Variants in ACSL6 observed in about 807,000 individuals in gnomAD.
The protein encoded by ACSL6 is acyl-CoA synthetase long chain family member 6.
Under a neutral mutation model 98.2 loss-of-function variants are expected in ACSL6, and 47 were observed. The ratio of observed to expected loss-of-function variants is 0.48; its 90% CI spans 0.38 to 0.61. The LOEUF (loss-of-function observed/expected upper bound fraction) is 0.61. ACSL6 is among the 20% of genes least tolerant of loss of function. The pLI is 0.00. For missense variants in ACSL6, 761 were observed against 913.4 expected (o/e 0.83, Z 2.15); for synonymous variants, 362 against 336.9 (o/e 1.07, Z -0.82).
At position 131,988,767 on chromosome 5, in the gene ACSL6, C is replaced by T. The variant is rs2126892014; in HGVS notation, c.652+38G>A. 1.9e-6 allele frequency: 3 copies of T among 1,601,754 alleles called. No individual in the cohort carries two copies. In the East Asian group the frequency reaches 6.7e-5, roughly 36 times the overall value. ...AAGCTGGAGGCTGGAGGCTGGGGACCAGTTGCCAGTGGCAGGGTGGGGTGG... is the reference window on the plus strand; with the variant it reads ...AAGCTGGAGGCTGGAGGCTGGGGACTAGTTGCCAGTGGCAGGGTGGGGTGG... On this transcript the variant is annotated intron_variant, in intron 6 of 20. Coordinates refer to ENST00000651883, the MANE Select transcript of ACSL6 (RefSeq NM_001009185.3).
At chr5:131,970,450 C>T (rs1753243409) in intron 14 of ACSL6, among the ~76,000 whole-genome samples, 1 of 151,184 alleles carries the variant, frequency 6.6e-6, no homozygotes, top group Admixed American at 6.6e-5. Context: ...CACTCTGTCG[C>T]CCAGGCTGGA....
chr5:131,969,005 G>A (rs1753163780), intron 15 of ACSL6, among the ~76,000 whole-genome samples: 1 of 152,134 alleles, frequency 6.6e-6, no homozygotes, highest in Non-Finnish European at 1.5e-5. Flanking sequence ...CAAAAGGAAG[G>A]GATACATGAG....
At chr5:131,985,260 C>T in intron 9 of ACSL6, 147 bp downstream of exon 9, 1 of 938,774 alleles carries the variant, frequency 1.1e-6, no homozygotes. Flanking sequence ...CTGGGAGGTG[C>T]AGGAGGTCAC....
chr5:131,981,352 T>A (rs537465529), intron 9 of ACSL6, among the ~76,000 whole-genome samples: 1 of 148,660 alleles, frequency 6.7e-6, no homozygotes, highest in Admixed American at 6.7e-5. Context: ...AAAACACAAC[T>A]TTCTCCTCAA....
chr5:131,985,799 G>A (rs907382557), intron 8 of ACSL6, among the ~76,000 whole-genome samples: 1 of 152,176 alleles, frequency 6.6e-6, no homozygotes, highest in Admixed American at 6.5e-5. Context: ...CTCTATCAAA[G>A]CTCTGACCTT....
chr5:131,973,037 C>T (rs1239486256), intron 12 of ACSL6, among the ~76,000 whole-genome samples, 179 bp from the exon 13 acceptor site: 3 of 152,080 alleles, frequency 2.0e-5, no homozygotes, highest in Non-Finnish European at 4.4e-5. Flanking sequence ...TCCAGGCATG[C>T]TGTGAAGATG....
chr5:131,970,386 G>GCCACATTTGCTTGGAAGAAGTGCTA (rs1753238992), intron 14 of ACSL6, among the ~76,000 whole-genome samples, 186 bp from the exon 15 acceptor site: 1 of 151,940 alleles, frequency 6.6e-6, no homozygotes, highest in Non-Finnish European at 1.5e-5. Context: ...AACAAGCATG[G>GCCACATTTGCTTGGAAGAAGTGCTA]CCACATTTGC....
rs576977310 is a variant in ACSL6 at position 132,004,059 on chromosome 5, G to C, written c.49+7446C>G. On this transcript the variant is annotated intron_variant, in intron 1 of 20. Transcript: ENST00000651883. ...GAGGACTTTCAATAATGGAGGGCAC[G>C]TGTGTCCTCTGCCTGGTGCCCACAC... Among the ~76,000 whole-genome samples, 3 of 152,260 alleles carry C rather than the reference G, an allele frequency of 2.0e-5. No individual in the cohort carries two copies. In the East Asian group the frequency reaches 5.8e-4, roughly 29 times the overall value.
intron 17 of ACSL6, among the ~76,000 whole-genome samples, chr5:131,966,099 C>A (rs1752997468): frequency 6.6e-6 from 1 of 152,172 alleles, no homozygotes; most frequent in Non-Finnish European, 1.5e-5. Context: ...GACATGTACC[C>A]CCTGTTCCTC....
At chr5:131,998,050 C>T (rs144390560) in intron 1 of ACSL6, among the ~76,000 whole-genome samples, 1,798 of 152,258 alleles carry the variant, frequency 0.012, 39 homozygotes, top group African/African-American at 0.042. Flanking sequence ...TTCACAGGGC[C>T]TTGGCCTCCT....
intron 1 of ACSL6, among the ~76,000 whole-genome samples, chr5:132,008,062 G>A (rs940476504): frequency 3.3e-5 from 5 of 152,198 alleles, no homozygotes; most frequent in African/African-American, 7.2e-5. Context: ...ATAGGCTGGA[G>A]AGCTGTGAGA....
intron 14 of ACSL6, among the ~76,000 whole-genome samples, chr5:131,971,000 G>T (rs184568662): frequency 6.6e-6 from 1 of 152,080 alleles, no homozygotes; most frequent in Non-Finnish European, 1.5e-5. Flanking sequence ...ATTTAAGCAC[G>T]CACAATTATG....
intron 1 of ACSL6, among the ~76,000 whole-genome samples, chr5:131,996,170 A>G (rs1754783227): frequency 6.6e-6 from 1 of 152,246 alleles, no homozygotes; most frequent in African/African-American, 2.4e-5. Flanking sequence ...CAGTTTTAAC[A>G]GAAGCTTCCT....
chr5:131,965,025 G>A (rs1479698610), intron 17 of ACSL6, among the ~76,000 whole-genome samples: 1 of 152,176 alleles, frequency 6.6e-6, no homozygotes, highest in African/African-American at 2.4e-5. Flanking sequence ...TCTCCCCTAA[G>A]CAGAGTCCCT....
In ACSL6 at chr5:131,989,521, G is replaced by A; in HGVS notation, c.451-13C>T. ...CCCTGTCGGCCACCTGCACACAGAT[G>A]TGGGGAAGTGATGGGAAAACAAGGA... On this transcript the variant is annotated splice_polypyrimidine_tract_variant and intron_variant, in intron 4 of 20. Coordinates refer to ENST00000651883, the MANE Select transcript of ACSL6 (RefSeq NM_001009185.3). 1 of 1,581,538 alleles carries A rather than the reference G, an allele frequency of 6.3e-7. No individual in the cohort carries two copies. Among genetic ancestry groups the A allele is most frequent in the Middle Eastern group, 1.7e-4 (1 of 5,916 alleles).
chr5:131,970,821 T>C (rs1753266372), intron 14 of ACSL6, among the ~76,000 whole-genome samples: 1 of 152,216 alleles, frequency 6.6e-6, no homozygotes, highest in Non-Finnish European at 1.5e-5. Flanking sequence ...ATAAACATTT[T>C]AAAATCTACT....
chr5:131,975,303 C>T lies in ACSL6; in HGVS notation c.991-333G>A, dbSNP rs917974101. On this transcript the variant is annotated intron_variant, in intron 10 of 20. Transcript: ENST00000651883. Reference sequence around the variant, plus strand: ...ACACAGAAACCAGCAGAGTGGGCTCCGCAGGGAAGTCTCCTCTCTGAGGGC... The same window carrying T: ...ACACAGAAACCAGCAGAGTGGGCTCTGCAGGGAAGTCTCCTCTCTGAGGGC... 22 of 985,248 alleles carry T rather than the reference C, an allele frequency of 2.2e-5. No homozygotes were observed. The Admixed American group carries it at 7.4e-4, about 33-fold the overall frequency. The allele number at this position is 985,248 out of a possible 1,614,324, so 61.0% of individuals were successfully genotyped here.
chr5:131,970,072 C>T, intron 15 of ACSL6, 56 bp downstream of exon 15: 1 of 1,532,372 alleles, frequency 6.5e-7, no homozygotes, highest in South Asian at 1.1e-5. Flanking sequence ...TTAGAGCTGG[C>T]TGCTTTTACT....
At chr5:131,985,788 T>A (rs752436902) in intron 8 of ACSL6, among the ~76,000 whole-genome samples, 6 of 152,148 alleles carry the variant, frequency 3.9e-5, no homozygotes, top group Admixed American at 2.6e-4. Context: ...CACATCTCAG[T>A]CTCTATCAAA....
Sources: allele counts gnomAD v4.1 joint callset (sites outside exome capture counted in the v4.1 genomes callset), GRCh38; gene constraint gnomAD v4.1.1; transcripts MANE v1.5; gene names NCBI Gene and HGNC (gene_info 2026-07-23, HGNC 2026-07-21).